Variants in PIK3R3 observed in about 807,000 individuals in gnomAD.
PIK3R3 encodes the protein phosphatidylinositol 3-kinase regulatory subunit gamma.
PIK3R3 carries 64 observed loss-of-function variants against 62.9 expected under a neutral mutation model. That is an observed-to-expected ratio of 1.02 (90% CI 0.83 to 1.25). The LOEUF (loss-of-function observed/expected upper bound fraction) is 1.25, where lower values mean the gene tolerates loss of function less well. Among genes scored for constraint, PIK3R3 ranks in the 50% most tolerant of loss-of-function variants. PIK3R3 has a pLI of 0.00. For missense variants in PIK3R3, 614 were observed against 561.6 expected, an observed-to-expected ratio of 1.09 and a Z score of -0.94; for synonymous variants, 165 against 189.0, an observed-to-expected ratio of 0.87 and a Z score of 1.04.
At chr1:46,083,311 T>C (rs1388850912) in intron 1 of PIK3R3, among the ~76,000 whole-genome samples, 2 of 151,860 alleles carry the variant, frequency 1.3e-5, no homozygotes, top group East Asian at 1.9e-4. Context: ...CAAGAAAAAA[T>C]AGGCTTAAAT....
intron 1 of PIK3R3, among the ~76,000 whole-genome samples, chr1:46,083,403 C>T (rs1650784568): frequency 6.6e-6 from 1 of 151,912 alleles, no homozygotes; most frequent in Non-Finnish European, 1.5e-5. Flanking sequence ...TTAACTGCAT[C>T]AAAATTAAAA....
At chr1:46,071,696 C>CAAAAAAA (rs1331276065) in intron 3 of PIK3R3, among the ~76,000 whole-genome samples, 7 of 17,250 alleles carry the variant, frequency 4.1e-4, no homozygotes, top group African/African-American at 1.2e-3. Context: ...ACTCTGTCTC[C>CAAAAAAA]AAAAAAAAAA....
In PIK3R3 at chr1:46,045,985, C is replaced by T. The variant is rs1258818849; in HGVS notation, c.1120G>A (p.Gly374Arg). 2 of 1,613,566 alleles carry T rather than the reference C, an allele frequency of 1.2e-6. No individual in the cohort carries two copies. The highest frequency in any genetic ancestry group is 2.2e-5 in the South Asian group (2 of 91,060). Residue 374 changes from glycine (G) to arginine (R), a missense_variant, in exon 9 of 10, where the codon GGG becomes AGG. Coordinates refer to ENST00000262741, the MANE Select transcript of PIK3R3 (RefSeq NM_003629.4). ...ATTAAGAATGCACCATCAGGTTTCC[C>T]ATAAAGCAAGTCCTCTGCTTGTACT... ...NRVQAEDLLY[G>R]KPDGAFLIRE...
At chr1:46,074,886 G>C (rs1024735583) in intron 3 of PIK3R3, among the ~76,000 whole-genome samples, 1 of 152,128 alleles carries the variant, frequency 6.6e-6, no homozygotes, top group African/African-American at 2.4e-5. Context: ...TTGTAATTCA[G>C]CTAATCACAT....
At chr1:46,047,398 A>G (rs1371251675) in intron 7 of PIK3R3, among the ~76,000 whole-genome samples, 1 of 149,700 alleles carries the variant, frequency 6.7e-6, no homozygotes, top group Non-Finnish European at 1.5e-5. Flanking sequence ...AGATTGTACC[A>G]CTGCCCTCCA....
upstream of PIK3R3, among the ~76,000 whole-genome samples, chr1:46,133,239 A>T (rs1302545544): frequency 6.6e-6 from 1 of 152,220 alleles, no homozygotes; most frequent in Admixed American, 6.5e-5. Context: ...AGAAAGGAAG[A>T]AAACGCAAAC....
At chr1:46,077,986 G>A (rs1030739701) in intron 2 of PIK3R3, among the ~76,000 whole-genome samples, 1 of 152,152 alleles carries the variant, frequency 6.6e-6, no homozygotes, top group Admixed American at 6.5e-5. Context: ...AAGCAACAGT[G>A]GCAGCTGTTT....
At chr1:46,075,409 T>C (rs892758807) in intron 3 of PIK3R3, among the ~76,000 whole-genome samples, 1 of 151,314 alleles carries the variant, frequency 6.6e-6, no homozygotes, top group African/African-American at 2.4e-5. Context: ...AGCCCAGGAG[T>C]TTTGAGACCA....
chr1:46,089,159 C>A (rs528031302), intron 1 of PIK3R3, among the ~76,000 whole-genome samples: 2 of 152,078 alleles, frequency 1.3e-5, no homozygotes, highest in African/African-American at 4.8e-5. Context: ...GGAAACCAGG[C>A]GGTGTAAAAT....
intron 1 of PIK3R3, among the ~76,000 whole-genome samples, chr1:46,091,956 T>G (rs1342678465): frequency 2.6e-5 from 4 of 152,306 alleles, no homozygotes; most frequent in South Asian, 2.1e-4. Flanking sequence ...TTTTTATTGG[T>G]TTTTTTCACA....
intron 1 of PIK3R3, among the ~76,000 whole-genome samples, chr1:46,118,556 T>TC (rs1654387400): frequency 6.9e-6 from 1 of 145,104 alleles, no homozygotes; most frequent in Non-Finnish European, 1.5e-5. Context: ...TTACTTGTCT[T>TC]TTTTTTTTTT....
chr1:46,055,891 T>A lies in PIK3R3; in HGVS notation c.845A>T (p.Lys282Met). The A allele has an allele frequency of 6.2e-7, 1 of 1,610,460 alleles. No individual in the cohort carries two copies. The highest frequency in any genetic ancestry group is 1.1e-5 in the South Asian group (1 of 90,982). ...TTCTCGGTTGTCCAAAGCTTGATTC[T>A]TCAAATCCTGCTCTAGACGCATTTT... ...DSKMRLEQDL[K>M]NQALDNREID... The change falls in exon 7 of 10, where the codon AAG becomes ATG. Residue 282 changes from lysine to methionine, a missense_variant. Lys to Met is a moderately conservative substitution (Grantham distance 95, BLOSUM62 -1). Coordinates refer to ENST00000262741, the MANE Select transcript of PIK3R3 (RefSeq NM_003629.4).
At chr1:46,154,398 A>G in the PIK3R3 span, among the ~76,000 whole-genome samples, 6 of 151,808 alleles carry the variant, frequency 4.0e-5, no homozygotes, top group African/African-American at 1.5e-4. Context: ...CGAGACCCCA[A>G]CTCCACAAAA....
rs923183761 is a variant in PIK3R3 at position 46,102,335 on chromosome 1, CAAT to C, written c.107-21588_107-21586del. Among the ~76,000 whole-genome samples the C allele has an allele frequency of 2.0e-5, 3 of 152,110 alleles. 1 individual carries two copies. The East Asian group carries it at 5.8e-4, about 29-fold the overall frequency. On this transcript the variant is annotated intron_variant, in intron 1 of 9. Coordinates refer to ENST00000262741, the MANE Select transcript of PIK3R3 (RefSeq NM_003629.4). ...TTTGTATGGTATGTGAATTATATCT[CAAT>C]AAAGCTTTTTAAAAATTACATTTGT...
intron 1 of PIK3R3, among the ~76,000 whole-genome samples, chr1:46,109,424 G>A (rs191749697): frequency 6.6e-6 from 1 of 151,986 alleles, no homozygotes; most frequent in Non-Finnish European, 1.5e-5. Flanking sequence ...TACACTGTTA[G>A]CCATTTTTTC....
chr1:46,071,748 G>T (rs1451300631), intron 3 of PIK3R3, among the ~76,000 whole-genome samples: 2 of 121,880 alleles, frequency 1.6e-5, no homozygotes, highest in Non-Finnish European at 3.4e-5. Context: ...GAGAGAGAGA[G>T]AGAGAGAGAG....
At chr1:46,098,196 G>A (rs921295146) in intron 1 of PIK3R3, among the ~76,000 whole-genome samples, 3 of 152,052 alleles carry the variant, frequency 2.0e-5, no homozygotes, top group East Asian at 1.9e-4. Context: ...AATGCAAATC[G>A]AAACCACAGT....
At chr1:46,104,592 A>ACCACAGTTCTATCT (rs1553153456) in intron 1 of PIK3R3, among the ~76,000 whole-genome samples, 1 of 152,142 alleles carries the variant, frequency 6.6e-6, no homozygotes, top group Non-Finnish European at 1.5e-5. Context: ...CAGTTGCATT[A>ACCACAGTTCTATCT]CCACAGTTCT....
chr1:46,082,566 G>T (rs1292539912), intron 1 of PIK3R3, among the ~76,000 whole-genome samples: 1 of 152,142 alleles, frequency 6.6e-6, no homozygotes, highest in African/African-American at 2.4e-5. Context: ...GTAGGAAAAT[G>T]TTCTTGTTTG....
Sources: allele counts gnomAD v4.1 joint callset (sites outside exome capture counted in the v4.1 genomes callset), GRCh38; gene constraint gnomAD v4.1.1; transcripts MANE v1.5; gene names NCBI Gene and HGNC (gene_info 2026-07-23, HGNC 2026-07-21).